The following TAOK1 variants were observed in gnomAD, a reference collection of about 807,000 sequenced individuals.
TAOK1 encodes serine/threonine-protein kinase TAO1.
A neutral mutation model predicts 138.3 loss-of-function variants in TAOK1; 21 were observed. That is an observed-to-expected ratio of 0.15 (90% CI 0.11 to 0.22). TAOK1 has a LOEUF of 0.22. Ranked by LOEUF, TAOK1 falls within the 10% of genes least tolerant of loss-of-function variation. TAOK1 has a pLI of 1.00. For missense variants in TAOK1, 651 were observed against 1,227.7 expected (o/e 0.53, Z 7.02); for synonymous variants, 361 against 398.4 (o/e 0.91, Z 1.12).
intron 15 of TAOK1, chr17:29,511,960 G>A (rs1325736067): frequency 1.3e-5 from 2 of 151,800 alleles, no homozygotes; most frequent in Non-Finnish European, 1.5e-5. Flanking sequence ...TGCTTATCAG[G>A]TTTTTTTTAA....
intron 3 of TAOK1, 102 bp downstream of exon 3, chr17:29,467,318 G>A: frequency 1.7e-6 from 1 of 586,034 alleles, no homozygotes; most frequent in Non-Finnish European, 2.6e-6. Context: ...CTGTAGCCCA[G>A]GCTGGAGTGT....
intron 2 of TAOK1, among the ~76,000 whole-genome samples, chr17:29,457,982 C>A (rs1385892831): frequency 6.6e-6 from 1 of 151,902 alleles, no homozygotes; most frequent in African/African-American, 2.4e-5. Flanking sequence ...TGGTGGCGGA[C>A]GCCTGTAGTC....
intron 15 of TAOK1, among the ~76,000 whole-genome samples, chr17:29,516,496 G>A (rs528277167): frequency 2.3e-4 from 32 of 138,962 alleles, no homozygotes; most frequent in African/African-American, 7.6e-4. Flanking sequence ...CACCACACCT[G>A]GCTAATTTTT....
chr17:29,540,775 G>A (rs1598531876), intron 19 of TAOK1, among the ~76,000 whole-genome samples: 2 of 149,852 alleles, frequency 1.3e-5, no homozygotes, highest in East Asian at 4.0e-4. Context: ...TCTCCATGTT[G>A]GTCAGGCTGG....
At chr17:29,402,706 AATT>A (rs1904884071) in intron 1 of TAOK1, among the ~76,000 whole-genome samples, 1 of 152,090 alleles carries the variant, frequency 6.6e-6, no homozygotes, top group African/African-American at 2.4e-5. Flanking sequence ...CTGTTCATAA[AATT>A]ATTATGTGAC....
intron 19 of TAOK1, among the ~76,000 whole-genome samples, chr17:29,540,126 G>A (rs1462577660): frequency 6.6e-6 from 1 of 152,158 alleles, no homozygotes; most frequent in African/African-American, 2.4e-5. Context: ...TTACAAACAG[G>A]CCAGGATGGA....
chr17:29,500,130 T>C (rs945976652), intron 12 of TAOK1, among the ~76,000 whole-genome samples: 13 of 151,950 alleles, frequency 8.6e-5, no homozygotes, highest in African/African-American at 3.1e-4. Context: ...CTGGGCAACA[T>C]GGTGAAACCC....
intron 2 of TAOK1, among the ~76,000 whole-genome samples, chr17:29,462,014 A>G (rs976244752): frequency 2.6e-5 from 4 of 152,168 alleles, no homozygotes; most frequent in African/African-American, 7.2e-5. Context: ...AGAGAAACCC[A>G]TGCACACACT....
At chr17:29,438,046 A>G (rs1218336709) in intron 1 of TAOK1, among the ~76,000 whole-genome samples, 2 of 152,118 alleles carry the variant, frequency 1.3e-5, no homozygotes, top group African/African-American at 4.8e-5. Context: ...CTGCCTTTAT[A>G]TTCTATGGGG....
intron 1 of TAOK1, among the ~76,000 whole-genome samples, chr17:29,393,422 C>A (rs1904490284): frequency 1.3e-5 from 2 of 151,828 alleles, no homozygotes; most frequent in African/African-American, 4.8e-5. Context: ...AGGAATGTTG[C>A]CTAAAAGTGG....
chr17:29,498,466 T>G lies in TAOK1; in HGVS notation c.1148T>G (p.Met383Arg). 6.2e-7 allele frequency: 1 copy of G among 1,614,198 alleles called. No individual in the cohort carries two copies. The highest frequency in any genetic ancestry group is 8.5e-7 in the Non-Finnish European group (1 of 1,180,026). ...DVSDDKSELD[M>R]MEGDHTVMSN... ...TCAGATGACAAGAGTGAGCTAGACA[T>G]GATGGAGGGAGACCACACAGTGATG... Residue 383 changes from methionine to arginine, a missense_variant, in exon 12 of 20, where the codon ATG becomes AGG. By Grantham distance (91) the Met-to-Arg change is moderately conservative. This residue lies in a region of TAOK1 where 104 missense variants were observed against 151.7 expected (regional missense o/e 0.69). Transcript: ENST00000261716.
chr17:29,488,610 T>TAATAATAATA (rs2031230435), intron 8 of TAOK1, among the ~76,000 whole-genome samples: 1 of 116,032 alleles, frequency 8.6e-6, no homozygotes, highest in Non-Finnish European at 1.9e-5. Flanking sequence ...TAATAATAAT[T>TAATAATAATA]GTTAATTTTT....
At chr17:29,488,484 A>G (rs182289590) in intron 8 of TAOK1, among the ~76,000 whole-genome samples, 44 of 151,940 alleles carry the variant, frequency 2.9e-4, no homozygotes, top group African/African-American at 1.0e-3. Flanking sequence ...ACAGGAGAGA[A>G]TCGCTTGAAC....
intron 1 of TAOK1, among the ~76,000 whole-genome samples, chr17:29,427,468 C>T (rs571441526): frequency 1.3e-5 from 2 of 148,608 alleles, no homozygotes; most frequent in South Asian, 2.1e-4. Flanking sequence ...TGGTGGTGCA[C>T]GCCTGTAGTC....
intron 1 of TAOK1, among the ~76,000 whole-genome samples, chr17:29,447,325 CT>C (rs1487266587): frequency 6.6e-6 from 1 of 152,014 alleles, no homozygotes; most frequent in Non-Finnish European, 1.5e-5. Context: ...AAGTTTCAAA[CT>C]TTTTAAAAGT....
rs534783921 is a variant in TAOK1 at position 29,401,682 on chromosome 17, G to T, written c.-95+10658G>T. Reference sequence around the variant, plus strand: ...CTTCTCTTTTTTTTTTTGAGACAGGGTTTTACTCTGTTGGGAGGCTGGAGT... The same window carrying T: ...CTTCTCTTTTTTTTTTTGAGACAGGTTTTTACTCTGTTGGGAGGCTGGAGT... On this transcript the variant is annotated intron_variant, in intron 1 of 19. Coordinates refer to ENST00000261716, the MANE Select transcript of TAOK1 (RefSeq NM_020791.4). 4.3e-4 allele frequency among the ~76,000 whole-genome samples: 65 copies of T among 151,584 alleles called. 1 individual carries two copies. In the South Asian group the frequency reaches 0.013, roughly 31 times the overall value.
intron 1 of TAOK1, among the ~76,000 whole-genome samples, chr17:29,419,533 T>A (rs1293371475): frequency 6.7e-6 from 1 of 149,662 alleles, no homozygotes; most frequent in African/African-American, 2.5e-5. Context: ...CTCTCTGTTG[T>A]CTAGGCTGGA....
chr17:29,408,449 C>T (rs1312325442), intron 1 of TAOK1, among the ~76,000 whole-genome samples: 3 of 151,912 alleles, frequency 2.0e-5, no homozygotes, highest in Non-Finnish European at 4.4e-5. Flanking sequence ...CTCCTGACCT[C>T]GAGTGATCCG....
chr17:29,437,248 AAGACGGGGTTACACCATGTTGGCC>A (rs556175514), intron 1 of TAOK1, among the ~76,000 whole-genome samples: 104 of 151,590 alleles, frequency 6.9e-4, no homozygotes, highest in Admixed American at 6.5e-3. Context: ...ATTTTTAGTA[AAGACGGGGTTACACCATGTTGGCC>A]AGGCTGGTCT....
Sources: gnomAD v4.1 joint callset for allele counts (sites outside exome capture counted in the v4.1 genomes callset) on GRCh38, gnomAD v4.1.1 for gene constraint, gnomAD v4.1.1 regional missense constraint, MANE v1.5 for transcripts, NCBI Gene and HGNC (gene_info 2026-07-23, HGNC 2026-07-21) for gene names.